ZNF451: variants seen among roughly 807,000 people sequenced by gnomAD.
The protein encoded by ZNF451 is zinc finger protein 451.
Under a neutral mutation model 107.1 loss-of-function variants are expected in ZNF451, and 80 were observed. That is an observed-to-expected ratio of 0.75 (90% CI 0.62 to 0.90). ZNF451 has a LOEUF of 0.90. ZNF451 is among the 40% of genes least tolerant of loss of function. ZNF451 has a pLI of 0.00. For missense variants in ZNF451, 1,107 were observed against 1,236.2 expected (o/e 0.90, Z 1.57); for synonymous variants, 362 against 406.5 (o/e 0.89, Z 1.32).
chr6:57,103,603 T>C (rs1829709258), intron 3 of ZNF451: 1 of 985,330 alleles, frequency 1.0e-6, no homozygotes, highest in Non-Finnish European at 1.2e-6. Flanking sequence ...ATTTGAGGGG[T>C]CTGAATACAT....
rs1337142318 is a variant in ZNF451 at position 57,124,334 on chromosome 6, TA to T, written c.187-399del. The T allele has an allele frequency of 5.8e-6, 4 of 693,318 alleles. No individual in the cohort carries two copies. The Admixed American group carries it at 6.3e-5, about 11-fold the overall frequency. 42.9% of individuals were successfully genotyped at this position (693,318 alleles called of 1,614,324 possible). The stretch of plus-strand genomic sequence containing the variant: ...AGGCTCGTCCACGCTAAGCATCCAT[TA>T]GAGTTTAGTTTCCTATGGAGGTTCC... On this transcript the variant is annotated intron_variant, in intron 3 of 14. Transcript: ENST00000370706.
At chr6:57,098,012 C>T (rs1009819794) in intron 2 of ZNF451, among the ~76,000 whole-genome samples, 3 of 148,938 alleles carry the variant, frequency 2.0e-5, no homozygotes, top group South Asian at 2.1e-4. Context: ...CTCTGTTGCC[C>T]GGGCTGGAGT....
chr6:57,142,056 A>T lies in ZNF451; in HGVS notation c.965A>T (p.Lys322Met), dbSNP rs533185112. 45 of 1,613,898 alleles carry T rather than the reference A, an allele frequency of 2.8e-5. 1 individual carries two copies. In the East Asian group the frequency reaches 1.0e-3, roughly 36 times the overall value. ...PFQVKCVACH[K>M]TLRSHMELTA... ...CAAGTTAAGTGTGTGGCCTGCCACA[A>T]GACACTGCGTTCCCACATGGAGCTC... is the stretch of plus-strand genomic sequence containing the variant. The change falls in exon 9 of 15, where the codon AAG becomes ATG. Residue 322 changes from lysine (K) to methionine (M), a missense_variant. Physicochemically the swap from Lys to Met is moderately conservative, Grantham distance 95. This residue lies in a region of ZNF451 where 339 missense variants were observed against 372.8 expected (regional missense o/e 0.91). Coordinates refer to ENST00000370706, the MANE Select transcript of ZNF451 (RefSeq NM_001031623.3).
chr6:57,159,503 A>C, intron 13 of ZNF451: 6 of 453,842 alleles, frequency 1.3e-5, no homozygotes, highest in Non-Finnish European at 1.7e-5. Flanking sequence ...AAATTTGTAA[A>C]CTTTCTTAAA....
intron 7 of ZNF451, among the ~76,000 whole-genome samples, chr6:57,140,699 T>C (rs1049347901): frequency 4.5e-4 from 68 of 152,130 alleles, no homozygotes; most frequent in African/African-American, 1.6e-3. Flanking sequence ...AAATAAATGT[T>C]GACTGAGTTG....
intron 7 of ZNF451, among the ~76,000 whole-genome samples, chr6:57,137,600 T>C (rs778555959): frequency 3.3e-5 from 5 of 152,236 alleles, no homozygotes; most frequent in Non-Finnish European, 7.3e-5. Context: ...CATCACCAGA[T>C]AGCACCCTGC....
intron 13 of ZNF451, chr6:57,154,397 G>A (rs1228388633): frequency 4.8e-6 from 2 of 416,086 alleles, no homozygotes; most frequent in Non-Finnish European, 8.4e-6. Context: ...TTGACCTTCA[G>A]TTTTTTAGAA....
chr6:57,168,316 A>T, intron 14 of ZNF451, 107 bp from the exon 15 acceptor site: 2 of 762,166 alleles, frequency 2.6e-6, no homozygotes, highest in Non-Finnish European at 2.1e-6. Context: ...TTCCATTTTG[A>T]TTTTACTTTC....
chr6:57,138,725 A>ATGTGTGTGTG (rs1256642481), intron 7 of ZNF451, among the ~76,000 whole-genome samples: 12 of 116,422 alleles, frequency 1.0e-4, no homozygotes, highest in Non-Finnish European at 1.8e-4. Flanking sequence ...ATATATATAT[A>ATGTGTGTGTG]TATATATATA....
chr6:57,103,558 T>C, intron 3 of ZNF451: 1 of 985,382 alleles, frequency 1.0e-6, no homozygotes, highest in Non-Finnish European at 1.2e-6. Context: ...ATCCATGTCT[T>C]CACAGCATGA....
At chr6:57,137,980 G>C (rs956090925) in intron 7 of ZNF451, among the ~76,000 whole-genome samples, 2 of 152,060 alleles carry the variant, frequency 1.3e-5, no homozygotes, top group Non-Finnish European at 2.9e-5. Flanking sequence ...GACATATGCC[G>C]CATTGTATTT....
Position 57,133,071 on chromosome 6 carries a change from A to G in ZNF451, c.454A>G (p.Thr152Ala). 6.2e-7 allele frequency: 1 copy of G among 1,614,160 alleles called. No homozygotes were observed. The highest frequency in any genetic ancestry group is 8.5e-7 in the Non-Finnish European group (1 of 1,179,990). ...GLKTGTINCGTKSSFRRGGHT... is the reference protein window; with the variant it reads ...GLKTGTINCGAKSSFRRGGHT... The stretch of plus-strand genomic sequence containing the variant: ...CAAAACAGGCACAATTAATTGTGGA[A>G]CAAAAAGTTCATTCCGAAGAGGAGG... The change falls in exon 6 of 15, where the codon ACA (threonine) becomes GCA (alanine). Residue 152 changes from threonine (T) to alanine (A), a missense_variant. Physicochemically the swap from Thr to Ala is moderately conservative, Grantham distance 58 (BLOSUM62 0). Transcript: ENST00000370706.
chr6:57,119,854 AC>A (rs1334130272), intron 3 of ZNF451, among the ~76,000 whole-genome samples: 1 of 149,386 alleles, frequency 6.7e-6, no homozygotes, highest in Non-Finnish European at 1.5e-5. Flanking sequence ...AATTGTCATT[AC>A]TTTTTTTTTT....
chr6:57,153,821 G>A, intron 12 of ZNF451, 40 bp from the exon 13 acceptor site: 2 of 1,602,232 alleles, frequency 1.2e-6, no homozygotes, highest in Non-Finnish European at 1.7e-6. Context: ...TGAAACTCAT[G>A]CTGATTTTTT....
rs1330490964 is a variant in ZNF451, at chr6:57,101,224, G to A, written c.186+2083G>A. 3 of 1,551,092 alleles carry A rather than the reference G, an allele frequency of 1.9e-6. No homozygotes were observed. In the South Asian group the frequency reaches 3.6e-5, roughly 18 times the overall value. On this transcript the variant is annotated intron_variant, in intron 3 of 14. Transcript: ENST00000370706. ...TTTGAAGAGAATGGAACAAAGAGGT[G>A]TTATAAAAAGGGTGACATTACAATC... is the stretch of plus-strand genomic sequence containing the variant.
chr6:57,165,580 G>T (rs1039392787), intron 14 of ZNF451: 3 of 152,124 alleles, frequency 2.0e-5, no homozygotes, highest in Non-Finnish European at 4.4e-5. Context: ...TTTCATTTTA[G>T]TTATTGTACT....
In ZNF451 at chr6:57,148,122, A is replaced by C. The variant is rs1832167789; in HGVS notation, c.2037A>C (p.Glu679Asp). Residue 679 changes from glutamate to aspartate, a missense_variant, in exon 10 of 15, where the codon GAA (glutamate) becomes GAC (aspartate). Physicochemically the swap from Glu to Asp is conservative, Grantham distance 45. This residue lies in a region of ZNF451 where 608 missense variants were observed against 649.2 expected (regional missense o/e 0.94). Transcript: ENST00000370706. ...CGLCDLIFNV[E>D]EAFLSHYEEH... ...TTTGTGATCTTATCTTTAATGTGGA[A>C]GAAGCATTTCTGAGTCATTATGAGG... 1.2e-6 allele frequency: 2 copies of C among 1,614,098 alleles called. No homozygotes were observed. The highest frequency in any genetic ancestry group is 1.7e-6 in the Non-Finnish European group (2 of 1,179,980).
intron 7 of ZNF451, among the ~76,000 whole-genome samples, chr6:57,138,735 A>ATGTGTGTGTG (rs1831580311): frequency 1.9e-5 from 2 of 105,006 alleles, no homozygotes; most frequent in Non-Finnish European, 1.8e-5. Flanking sequence ...ATATATATAT[A>ATGTGTGTGTG]TATATATGTG....
intron 12 of ZNF451, among the ~76,000 whole-genome samples, chr6:57,152,646 T>C (rs1832403580): frequency 6.6e-6 from 1 of 152,160 alleles, no homozygotes; most frequent in South Asian, 2.1e-4. Context: ...CAGGCTGGAG[T>C]GCAGTGGCGC....
Sources: gnomAD v4.1 joint callset for allele counts (sites outside exome capture counted in the v4.1 genomes callset) on GRCh38, gnomAD v4.1.1 for gene constraint, gnomAD v4.1.1 regional missense constraint, MANE v1.5 for transcripts, NCBI Gene and HGNC (gene_info 2026-07-23, HGNC 2026-07-21) for gene names.